The following KDM4C variants were observed in gnomAD, a reference collection of about 807,000 sequenced individuals.
KDM4C encodes the protein lysine-specific demethylase 4C.
Under a neutral mutation model 129.3 loss-of-function variants are expected in KDM4C, and 81 were observed. That is an observed-to-expected ratio of 0.63 (90% CI 0.52 to 0.75). The LOEUF (loss-of-function observed/expected upper bound fraction) is 0.75. KDM4C is among the 30% of genes least tolerant of loss of function. The pLI is 0.00. For missense variants in KDM4C, 1,457 were observed against 1,304.0 expected, an observed-to-expected ratio of 1.12 and a Z score of -1.81; for synonymous variants, 573 against 456.1, an observed-to-expected ratio of 1.26 and a Z score of -3.26.
intron 7 of KDM4C, among the ~76,000 whole-genome samples, chr9:6,892,575 T>A (rs1481546499): frequency 4.6e-5 from 7 of 152,194 alleles, no homozygotes; most frequent in Admixed American, 4.6e-4. Context: ...TGAAATGGAC[T>A]GTGCTTAATT....
At chr9:7,063,597 A>C (rs1323400) in intron 17 of KDM4C, among the ~76,000 whole-genome samples, 98,082 of 152,024 alleles carry the variant, frequency 0.65, 31,751 homozygotes, top group African/African-American at 0.65. Flanking sequence ...TCTTAACGAT[A>C]TTACAGGGTA....
At chr9:7,043,720 C>T (rs1828959088) in intron 15 of KDM4C, among the ~76,000 whole-genome samples, 2 of 151,208 alleles carry the variant, frequency 1.3e-5, no homozygotes, top group Admixed American at 6.6e-5. Flanking sequence ...AGAACAGAAA[C>T]TGTGATATCA....
intron 17 of KDM4C, among the ~76,000 whole-genome samples, chr9:7,060,865 T>C (rs370667768): frequency 1.8e-4 from 28 of 152,318 alleles, no homozygotes; most frequent in Middle Eastern, 3.4e-3. Context: ...AGAGATGGTT[T>C]ACATTGTCAA....
At chr9:7,018,269 G>A (rs1278356634) in intron 15 of KDM4C, among the ~76,000 whole-genome samples, 8 of 152,136 alleles carry the variant, frequency 5.3e-5, no homozygotes, top group Admixed American at 4.6e-4. Context: ...ACATAGAAAA[G>A]GTACAAAAGA....
intron 8 of KDM4C, among the ~76,000 whole-genome samples, chr9:6,962,556 A>G (rs543943325): frequency 2.0e-5 from 3 of 152,342 alleles, no homozygotes; most frequent in Admixed American, 6.5e-5. Flanking sequence ...AAGAAATCCT[A>G]TAAATGTTTT....
At chr9:6,963,291 A>G (rs772048279) in intron 8 of KDM4C, among the ~76,000 whole-genome samples, 4 of 152,356 alleles carry the variant, frequency 2.6e-5, no homozygotes, top group Middle Eastern at 6.8e-3. Context: ...TGTTGGAAAT[A>G]TATTCATGGA....
chr9:7,009,412 C>T (rs1213102145), intron 12 of KDM4C, among the ~76,000 whole-genome samples: 1 of 152,130 alleles, frequency 6.6e-6, no homozygotes, highest in East Asian at 1.9e-4. Context: ...TTTTAAAGAA[C>T]ACTCTTGAAC....
At chr9:7,062,840 C>G (rs1419740624) in intron 17 of KDM4C, among the ~76,000 whole-genome samples, 1 of 152,108 alleles carries the variant, frequency 6.6e-6, no homozygotes, top group African/African-American at 2.4e-5. Flanking sequence ...GATACGGGGA[C>G]ACAATGCTAT....
intron 8 of KDM4C, among the ~76,000 whole-genome samples, chr9:6,946,811 T>G (rs1434181190): frequency 6.6e-6 from 1 of 152,156 alleles, no homozygotes; most frequent in African/African-American, 2.4e-5. Flanking sequence ...TTTCACTCTT[T>G]AATTGAATTA....
chr9:6,949,513 G>A (rs921097350), intron 8 of KDM4C, among the ~76,000 whole-genome samples: 10 of 152,286 alleles, frequency 6.6e-5, no homozygotes, highest in African/African-American at 2.4e-4. Context: ...AGGTTGTAGC[G>A]AGCCAAGATC....
At chr9:7,161,268 C>A (rs989494558) in intron 19 of KDM4C, among the ~76,000 whole-genome samples, 4 of 152,214 alleles carry the variant, frequency 2.6e-5, no homozygotes, top group African/African-American at 9.6e-5. Context: ...TGGAAATCCC[C>A]TGACTCCTTG....
At chr9:6,839,955 A>G (rs1437493949) in intron 4 of KDM4C, among the ~76,000 whole-genome samples, 3 of 152,074 alleles carry the variant, frequency 2.0e-5, no homozygotes, top group Non-Finnish European at 4.4e-5. Context: ...CCATGTCACA[A>G]TGCTGAAATA....
intron 19 of KDM4C, among the ~76,000 whole-genome samples, chr9:7,153,465 T>C (rs1342533678): frequency 6.6e-6 from 1 of 152,138 alleles, no homozygotes; most frequent in Non-Finnish European, 1.5e-5. Flanking sequence ...CTGGGGGGTA[T>C]TGAAAACTTG....
In KDM4C at chr9:6,945,133, T is replaced by C. The variant is rs1826723256; in HGVS notation, c.922-35792T>C. 2.6e-5 allele frequency among the ~76,000 whole-genome samples: 4 copies of C among 152,272 alleles called. No individual in the cohort carries two copies. The South Asian group carries it at 8.3e-4, about 32-fold the overall frequency. The stretch of plus-strand genomic sequence containing the variant: ...ACCTCTTACTCACTGCACGAACCCG[T>C]GGACCCGCACACATACTCACGAAAA... On this transcript the variant is annotated intron_variant, in intron 8 of 21. Coordinates refer to ENST00000381309, the MANE Select transcript of KDM4C (RefSeq NM_015061.6).
intron 8 of KDM4C, among the ~76,000 whole-genome samples, chr9:6,979,860 T>C (rs1438410589): frequency 6.6e-6 from 1 of 152,118 alleles, no homozygotes. Context: ...GGACTATGTA[T>C]GTAGGAGAAT....
At chr9:6,873,578 T>C (rs1365737377) in intron 5 of KDM4C, among the ~76,000 whole-genome samples, 1 of 152,246 alleles carries the variant, frequency 6.6e-6, no homozygotes, top group Non-Finnish European at 1.5e-5. Flanking sequence ...ATTCTGCAGC[T>C]TCTTCACCTC....
chr9:6,993,969 C>G (rs12238124), intron 12 of KDM4C, among the ~76,000 whole-genome samples: 1,989 of 138,588 alleles, frequency 0.014, 23 homozygotes, highest in East Asian at 0.052. Flanking sequence ...CCATCATTCC[C>G]CTGCCTTTTT....
intron 8 of KDM4C, among the ~76,000 whole-genome samples, chr9:6,930,878 G>A (rs1823600448): frequency 2.0e-5 from 3 of 152,114 alleles, no homozygotes; most frequent in South Asian, 4.2e-4. Flanking sequence ...AATACCTGGG[G>A]AATTTGCAAA....
chr9:6,734,170 C>T (rs985822093), intron 1 of KDM4C, among the ~76,000 whole-genome samples: 2 of 151,862 alleles, frequency 1.3e-5, no homozygotes, highest in Admixed American at 6.6e-5. Context: ...TAACAAGGCA[C>T]CTTAATTTAG....
Sources: gnomAD v4.1 joint callset for allele counts (sites outside exome capture counted in the v4.1 genomes callset) on GRCh38, gnomAD v4.1.1 for gene constraint, MANE v1.5 for transcripts, NCBI Gene and HGNC (gene_info 2026-07-23, HGNC 2026-07-21) for gene names.